Variants in TTC39C observed in about 807,000 individuals in gnomAD.
TTC39C encodes tetratricopeptide repeat protein 39C.
In TTC39C, 33 loss-of-function variants were observed where a neutral mutation model predicts 76.3. The observed-to-expected ratio is 0.43, with a 90% CI of 0.33 to 0.58. The LOEUF is 0.58. TTC39C is among the 20% of genes least tolerant of loss of function. The pLI is 0.04. For missense variants in TTC39C, 595 were observed against 701.4 expected (o/e 0.85, Z 1.71); for synonymous variants, 254 against 260.6 (o/e 0.97, Z 0.24).
chr18:24,088,109 C>G (rs1019207329), intron 6 of TTC39C, among the ~76,000 whole-genome samples: 7 of 152,116 alleles, frequency 4.6e-5, no homozygotes, highest in African/African-American at 1.7e-4. Flanking sequence ...GTAAAAATGT[C>G]TTGATAATTG....
chr18:24,081,237 C>T (rs527901777), intron 5 of TTC39C, among the ~76,000 whole-genome samples: 1 of 152,120 alleles, frequency 6.6e-6, no homozygotes, highest in Non-Finnish European at 1.5e-5. Context: ...CTGAGATTCA[C>T]GATTCTGATT....
At chr18:24,021,287 CA>C (rs1158690136) in intron 1 of TTC39C, among the ~76,000 whole-genome samples, 1 of 152,172 alleles carries the variant, frequency 6.6e-6, no homozygotes, top group South Asian at 2.1e-4. Context: ...GCACCTCTTT[CA>C]GCACGTCCTC....
At chr18:24,017,553 A>C (rs1199407005) in intron 1 of TTC39C, among the ~76,000 whole-genome samples, 6 of 152,244 alleles carry the variant, frequency 3.9e-5, no homozygotes, top group Non-Finnish European at 8.8e-5. Context: ...AGTACAAGAC[A>C]CAATGTCCTG....
chr18:24,125,695 C>A, intron 10 of TTC39C, 145 bp downstream of exon 10: 2 of 1,047,210 alleles, frequency 1.9e-6, no homozygotes, highest in Middle Eastern at 3.1e-4. Context: ...TAGAGGGTGT[C>A]GTGATGAAGA....
chr18:23,997,676 A>AAGAAAG (rs1555762756), intron 1 of TTC39C, among the ~76,000 whole-genome samples: 10 of 137,422 alleles, frequency 7.3e-5, no homozygotes, highest in African/African-American at 2.7e-4. Context: ...GAAAGAAAGA[A>AAGAAAG]AGAAAGAAAG....
intron 1 of TTC39C, among the ~76,000 whole-genome samples, chr18:24,032,382 G>T (rs2083681475): frequency 6.6e-6 from 1 of 152,148 alleles, no homozygotes; most frequent in South Asian, 2.1e-4. Context: ...GACCGTCACT[G>T]CCTTATCTCA....
At chr18:24,044,011 CTTCTATAAT>C (rs1474577023) in intron 1 of TTC39C, among the ~76,000 whole-genome samples, 1 of 151,672 alleles carries the variant, frequency 6.6e-6, no homozygotes, top group Non-Finnish European at 1.5e-5. Flanking sequence ...TTAAACTTCT[CTTCTATAAT>C]GGCAGTTGGC....
rs775572769 is a variant in TTC39C at position 24,125,525 on chromosome 18, C to T, written c.1395C>T (p.Phe465=). Residue 465 remains phenylalanine, a synonymous_variant, in exon 10 of 14, where the codon TTC becomes TTT. Coordinates refer to ENST00000317571, the MANE Select transcript of TTC39C (RefSeq NM_001135993.2). ...GGAAAGCTCTTCCAAACTGTTCCTT[C>T]CCCAACCTGCAGAGGATGAGTCAAG... ...YLWKALPNCS[F]PNLQRMSQAC... 1.9e-6 allele frequency: 3 copies of T among 1,614,154 alleles called. No individual in the cohort carries two copies. The highest frequency in any genetic ancestry group is 2.5e-6 in the Non-Finnish European group (3 of 1,180,024).
In TTC39C at chr18:24,080,903, C is replaced by G. The variant is rs1243149191; in HGVS notation, c.779C>G (p.Ala260Gly). 2 of 1,613,776 alleles carry G rather than the reference C, an allele frequency of 1.2e-6. No homozygotes were observed. Among genetic ancestry groups the G allele is most frequent in the Non-Finnish European group, 1.7e-6 (2 of 1,179,928 alleles). The part of the protein sequence containing the change: ...RLQGLSSLMY[A>G]SESKDMKAPL... ...CAGGGGCTTTCTTCACTGATGTATG[C>G]AAGCGAAAGTAAGGACATGAAGGCC... Residue 260 changes from alanine (A) to glycine (G), a missense_variant, in exon 5 of 14, where the codon GCA (alanine) becomes GGA (glycine). Ala to Gly is a moderately conservative substitution (Grantham distance 60, BLOSUM62 0). Coordinates refer to ENST00000317571, the MANE Select transcript of TTC39C (RefSeq NM_001135993.2).
chr18:24,064,273 A>C, intron 2 of TTC39C, 85 bp downstream of exon 2: 4 of 1,481,508 alleles, frequency 2.7e-6, no homozygotes, highest in Non-Finnish European at 3.7e-6. Flanking sequence ...TTGTATAGAT[A>C]CACTATTGTA....
chr18:24,065,932 T>A (rs1013899324), intron 2 of TTC39C, 80 bp from the exon 3 acceptor site: 51 of 1,393,694 alleles, frequency 3.7e-5, no homozygotes, highest in Admixed American at 3.0e-5. Flanking sequence ...GTTTTTTTAA[T>A]TTGGAGTTTT....
chr18:24,004,729 T>C (rs1296385995), intron 1 of TTC39C, among the ~76,000 whole-genome samples: 1 of 152,220 alleles, frequency 6.6e-6, no homozygotes, highest in African/African-American at 2.4e-5. Context: ...TGATTTACCA[T>C]GAAAATCATG....
At chr18:24,032,862 A>G (rs2083687500) in intron 1 of TTC39C, among the ~76,000 whole-genome samples, 2 of 152,250 alleles carry the variant, frequency 1.3e-5, no homozygotes, top group Non-Finnish European at 2.9e-5. Flanking sequence ...CCCCTTTTAT[A>G]CAGGGGTTTG....
intron 4 of TTC39C, chr18:24,076,924 T>C (rs2145752469): frequency 6.6e-6 from 1 of 152,330 alleles, no homozygotes; most frequent in East Asian, 1.9e-4. Flanking sequence ...TTTATTGATT[T>C]AGTTCCACGT....
intron 3 of TTC39C, among the ~76,000 whole-genome samples, chr18:24,068,306 G>C (rs928251677): frequency 6.6e-6 from 1 of 152,146 alleles, no homozygotes; most frequent in Non-Finnish European, 1.5e-5. Flanking sequence ...AGTGAGTGCT[G>C]GGGCTAGGTT....
chr18:24,043,517 A>G (rs1381931361), intron 1 of TTC39C, among the ~76,000 whole-genome samples: 1 of 152,198 alleles, frequency 6.6e-6, no homozygotes, highest in Non-Finnish European at 1.5e-5. Context: ...TTTTCTGGTC[A>G]TGAACCAGGT....
At chr18:24,113,727 T>G in intron 6 of TTC39C, 2 of 701,554 alleles carry the variant, frequency 2.9e-6, no homozygotes, top group South Asian at 3.0e-5. Flanking sequence ...ATCCTGATCA[T>G]GCTTTTGAGC....
chr18:24,117,335 T>C (rs12971224), intron 7 of TTC39C, among the ~76,000 whole-genome samples: 77,328 of 151,974 alleles, frequency 0.51, 21,791 homozygotes, highest in Non-Finnish European at 0.65. Context: ...GTTCTTTCAC[T>C]ACCAGTGTGC....
chr18:24,096,178 T>C (rs929619752), intron 6 of TTC39C, among the ~76,000 whole-genome samples: 1 of 152,194 alleles, frequency 6.6e-6, no homozygotes, highest in Non-Finnish European at 1.5e-5. Context: ...AGTGAGCTCA[T>C]ACTGTTGGAA....
Sources: gnomAD v4.1 joint callset for allele counts (sites outside exome capture counted in the v4.1 genomes callset) on GRCh38, gnomAD v4.1.1 for gene constraint, MANE v1.5 for transcripts, NCBI Gene and HGNC (gene_info 2026-07-23, HGNC 2026-07-21) for gene names.